The following RIC1 variants were observed in gnomAD, a reference collection of about 807,000 sequenced individuals.
The protein encoded by RIC1 is RIC1 partner of RAB6A GEF complex, also known as guanine nucleotide exchange factor subunit RIC1.
In RIC1, 88 loss-of-function variants were observed where a neutral mutation model predicts 169.0. That is an observed-to-expected ratio of 0.52 (90% CI 0.44 to 0.62). The LOEUF is 0.62. Among genes scored for constraint, RIC1 ranks in the 20% least tolerant of loss-of-function variants. The pLI is 0.00. For missense variants in RIC1, 1,877 were observed against 1,725.5 expected, an observed-to-expected ratio of 1.09 and a Z score of -1.56; for synonymous variants, 790 against 601.5, an observed-to-expected ratio of 1.31 and a Z score of -4.59.
chr9:5,726,052 G>A (rs1823958606), intron 6 of RIC1, among the ~76,000 whole-genome samples: 1 of 152,198 alleles, frequency 6.6e-6, no homozygotes, highest in Admixed American at 6.5e-5. Context: ...GGAGAGTTCT[G>A]TAGATGTCTA....
intron 7 of RIC1, among the ~76,000 whole-genome samples, chr9:5,733,060 A>C (rs1395955473): frequency 6.6e-6 from 1 of 152,142 alleles, no homozygotes; most frequent in Admixed American, 6.5e-5. Flanking sequence ...CTTAAATTTT[A>C]GCTCATAAAT....
intron 1 of RIC1, among the ~76,000 whole-genome samples, chr9:5,635,414 A>C (rs183666107): frequency 6.6e-6 from 1 of 152,154 alleles, no homozygotes; most frequent in East Asian, 1.9e-4. Flanking sequence ...AGTTTTTCTA[A>C]CACTATGGTG....
intron 7 of RIC1, among the ~76,000 whole-genome samples, chr9:5,734,228 T>A (rs1203842221): frequency 6.6e-6 from 1 of 151,904 alleles, no homozygotes; most frequent in Non-Finnish European, 1.5e-5. Context: ...TGTCTTAGCA[T>A]CCTGAGTAGC....
chr9:5,769,775 T>G, intron 22 of RIC1: 1 of 276,552 alleles, frequency 3.6e-6, no homozygotes, highest in Non-Finnish European at 6.7e-6. Flanking sequence ...CTTTTAACTT[T>G]GGCATTTGGA....
intron 7 of RIC1, among the ~76,000 whole-genome samples, chr9:5,733,035 C>A (rs1023375144): frequency 2.6e-5 from 4 of 151,988 alleles, no homozygotes; most frequent in Non-Finnish European, 5.9e-5. Context: ...AACAAAGATA[C>A]TGAACTTGGT....
At chr9:5,638,587 T>G (rs879571510) in intron 1 of RIC1, among the ~76,000 whole-genome samples, 5 of 152,218 alleles carry the variant, frequency 3.3e-5, no homozygotes, top group Admixed American at 6.5e-5. Context: ...TGCTAGGGAT[T>G]TATCCATTTC....
rs374028302 is a variant in RIC1 at position 5,722,348 on chromosome 9, A to AGAGAGAGAGTGTGTGT, written c.720+1599_720+1600insAGAGAGAGTGTGTGTG. 6.0e-3 allele frequency among the ~76,000 whole-genome samples: 783 copies of AGAGAGAGAGTGTGTGT among 131,320 alleles called. 8 individuals carry two copies. Among genetic ancestry groups the AGAGAGAGAGTGTGTGT allele is most frequent in the South Asian group, 0.022 (83 of 3,740 alleles). 86.2% of individuals were successfully genotyped at this position (131,320 alleles called of 152,430 possible). On this transcript the variant is annotated intron_variant, in intron 6 of 25. Transcript: ENST00000414202. ...CTTGCAAAAACTATAAGAGAGAGAG[A>AGAGAGAGAGTGTGTGT]GTGTGTGTGTGTGTGTGTGTGTGTG...
chr9:5,659,078 T>A (rs990129176), intron 2 of RIC1, among the ~76,000 whole-genome samples: 2 of 152,138 alleles, frequency 1.3e-5, no homozygotes, highest in Admixed American at 6.6e-5. Flanking sequence ...AAGAATCTAA[T>A]TCTCATTAGT....
chr9:5,727,193 GT>G (rs1824049066), intron 6 of RIC1, among the ~76,000 whole-genome samples: 1 of 152,192 alleles, frequency 6.6e-6, no homozygotes, highest in South Asian at 2.1e-4. Flanking sequence ...AGGTACAGCA[GT>G]CAGACGTAGA....
chr9:5,638,722 T>C (rs1273079423), intron 1 of RIC1, among the ~76,000 whole-genome samples: 1 of 152,192 alleles, frequency 6.6e-6, no homozygotes, highest in African/African-American at 2.4e-5. Flanking sequence ...TTTGGTTTTC[T>C]CTTTTAAGGT....
chr9:5,688,542 A>G (rs963863433), intron 2 of RIC1, among the ~76,000 whole-genome samples: 1 of 152,188 alleles, frequency 6.6e-6, no homozygotes, highest in African/African-American at 2.4e-5. Flanking sequence ...ATATTGCAAG[A>G]ACATAAAATT....
At chr9:5,697,553 A>G (rs1767565452) in intron 3 of RIC1, among the ~76,000 whole-genome samples, 1 of 148,872 alleles carries the variant, frequency 6.7e-6, no homozygotes, top group Admixed American at 6.6e-5. Flanking sequence ...CCAAGATATC[A>G]TTATTTCATT....
chr9:5,641,228 ACTACAGG>A (rs1818224821), intron 1 of RIC1, among the ~76,000 whole-genome samples: 1 of 151,416 alleles, frequency 6.6e-6, no homozygotes, highest in Admixed American at 6.6e-5. Context: ...AGTACCTGGG[ACTACAGG>A]CGCCCACCAC....
chr9:5,716,347 C>G (rs1050883652), intron 4 of RIC1, among the ~76,000 whole-genome samples: 1 of 152,100 alleles, frequency 6.6e-6, no homozygotes, highest in Admixed American at 6.5e-5. Flanking sequence ...GTGGCTCATG[C>G]CTATAATCCC....
At chr9:5,671,347 T>G (rs773544634) in intron 2 of RIC1, among the ~76,000 whole-genome samples, 1 of 151,664 alleles carries the variant, frequency 6.6e-6, no homozygotes, top group Non-Finnish European at 1.5e-5. Flanking sequence ...CAATCTCTGC[T>G]CACTGCAACC....
intron 6 of RIC1, among the ~76,000 whole-genome samples, chr9:5,722,347 G>GAC (rs2130874635): frequency 1.2e-5 from 1 of 83,924 alleles, no homozygotes; most frequent in East Asian, 4.6e-4. Flanking sequence ...AAGAGAGAGA[G>GAC]AGTGTGTGTG....
At chr9:5,734,689 C>G (rs868656807) in intron 7 of RIC1, among the ~76,000 whole-genome samples, 11 of 152,356 alleles carry the variant, frequency 7.2e-5, no homozygotes, top group Admixed American at 2.6e-4. Context: ...CAAACTGCCT[C>G]TGCTACTTCC....
At chr9:5,679,006 T>G (rs1333349176) in intron 2 of RIC1, among the ~76,000 whole-genome samples, 2 of 152,136 alleles carry the variant, frequency 1.3e-5, no homozygotes, top group Non-Finnish European at 2.9e-5. Context: ...TAATCCATCT[T>G]GAATTAATTT....
At chr9:5,658,907 C>G (rs773872276) in intron 2 of RIC1, among the ~76,000 whole-genome samples, 16 of 148,846 alleles carry the variant, frequency 1.1e-4, no homozygotes, top group Non-Finnish European at 2.1e-4. Context: ...CACTAAATAA[C>G]TTTGGAAAAT....
Sources: allele counts gnomAD v4.1 joint callset (sites outside exome capture counted in the v4.1 genomes callset), GRCh38; gene constraint gnomAD v4.1.1; transcripts MANE v1.5; gene names NCBI Gene and HGNC (gene_info 2026-07-23, HGNC 2026-07-21).